Variants in NFIA observed in about 807,000 individuals in gnomAD.
NFIA encodes nuclear factor I A, also known as nuclear factor 1 A-type.
Under a neutral mutation model 62.8 loss-of-function variants are expected in NFIA, and 8 were observed. The observed-to-expected ratio is 0.13, with a 90% CI of 0.07 to 0.23. NFIA has a LOEUF of 0.23. NFIA is among the 10% of genes least tolerant of loss of function. NFIA has a pLI of 1.00. For synonymous variants in NFIA, 235 were observed against 238.1 expected (o/e 0.99, Z 0.12); for missense variants, 410 against 642.1 (o/e 0.64, Z 3.91).
intron 2 of NFIA, among the ~76,000 whole-genome samples, chr1:61,219,722 A>AAAG (rs1553162647): frequency 6.7e-6 from 1 of 148,886 alleles, no homozygotes; most frequent in African/African-American, 2.5e-5. Context: ...TCAAAAAAAA[A>AAAG]AAAAGAAAAA....
At chr1:61,270,136 C>T (rs12086067) in intron 2 of NFIA, among the ~76,000 whole-genome samples, 6,142 of 152,196 alleles carry the variant, frequency 0.04, 345 homozygotes, top group African/African-American at 0.13. Flanking sequence ...CACAAAGAAA[C>T]GAAAAACTTG....
chr1:61,420,024 A>G (rs910523056), intron 9 of NFIA, among the ~76,000 whole-genome samples: 1 of 152,226 alleles, frequency 6.6e-6, no homozygotes, highest in African/African-American at 2.4e-5. Context: ...TCTAGATGCT[A>G]AACATCTGGA....
At chr1:61,213,197 G>A (rs1018356562) in intron 2 of NFIA, among the ~76,000 whole-genome samples, 1 of 152,206 alleles carries the variant, frequency 6.6e-6, no homozygotes, top group Non-Finnish European at 1.5e-5. Context: ...AAAATGCTGT[G>A]GTTCCTCCAG....
intron 3 of NFIA, among the ~76,000 whole-genome samples, chr1:61,323,804 C>T (rs913706670): frequency 1.3e-5 from 2 of 152,154 alleles, no homozygotes; most frequent in African/African-American, 4.8e-5. Flanking sequence ...TCATAAGTCA[C>T]TCATCTGAAT....
At chr1:61,327,517 G>A (rs192202849) in intron 3 of NFIA, among the ~76,000 whole-genome samples, 349 of 152,198 alleles carry the variant, frequency 2.3e-3, no homozygotes, top group Non-Finnish European at 4.3e-3. Flanking sequence ...ACGGTATTTA[G>A]TTTTCCATTC....
chr1:61,394,888 C>T (rs1015596420), intron 7 of NFIA, among the ~76,000 whole-genome samples: 21 of 152,266 alleles, frequency 1.4e-4, no homozygotes, highest in African/African-American at 2.9e-4. Context: ...GCAGGCGGAT[C>T]ATTTGAGTTC....
chr1:61,132,190 C>T (rs1647093674), intron 2 of NFIA, among the ~76,000 whole-genome samples: 1 of 152,116 alleles, frequency 6.6e-6, no homozygotes, highest in Non-Finnish European at 1.5e-5. Context: ...AGGAAAATCC[C>T]TCAGAAAAGT....
intron 2 of NFIA, among the ~76,000 whole-genome samples, chr1:61,165,108 T>G (rs563589647): frequency 2.6e-4 from 39 of 152,332 alleles, no homozygotes; most frequent in Middle Eastern, 3.4e-3. Context: ...AAAAGTTTAT[T>G]TAGAGTTTTA....
chr1:61,097,964 A>G (rs1646444917), intron 2 of NFIA, among the ~76,000 whole-genome samples: 1 of 152,186 alleles, frequency 6.6e-6, no homozygotes, highest in African/African-American at 2.4e-5. Flanking sequence ...AGGGCCATAG[A>G]CAGATGGCTT....
intron 4 of NFIA, among the ~76,000 whole-genome samples, chr1:61,339,037 C>T (rs1432151904): frequency 2.0e-5 from 3 of 152,150 alleles, no homozygotes; most frequent in Non-Finnish European, 4.4e-5. Context: ...GAACAGTTGC[C>T]GTGACCTTGC....
intron 2 of NFIA, among the ~76,000 whole-genome samples, chr1:61,168,098 A>C (rs1649707307): frequency 6.6e-6 from 1 of 152,148 alleles, no homozygotes; most frequent in African/African-American, 2.4e-5. Context: ...GTGTTACTTT[A>C]GGTATACATT....
chr1:61,405,913 T>G (rs937090328), intron 8 of NFIA, among the ~76,000 whole-genome samples: 2 of 152,180 alleles, frequency 1.3e-5, no homozygotes, highest in African/African-American at 4.8e-5. Flanking sequence ...AAATTAGAAG[T>G]GATATTTTTC....
chr1:61,302,460 G>C (rs1659543137), intron 3 of NFIA, among the ~76,000 whole-genome samples: 1 of 152,150 alleles, frequency 6.6e-6, no homozygotes, highest in Admixed American at 6.5e-5. Flanking sequence ...ACGAGTAAAA[G>C]CTTAGTTTCT....
intron 2 of NFIA, among the ~76,000 whole-genome samples, chr1:61,101,109 C>T (rs1646500716): frequency 6.6e-6 from 1 of 151,960 alleles, no homozygotes. Context: ...TTTAATAGTT[C>T]ACCTGGCCAG....
chr1:61,145,551 A>T (rs1238029011), intron 2 of NFIA, among the ~76,000 whole-genome samples: 1 of 152,210 alleles, frequency 6.6e-6, no homozygotes, highest in African/African-American at 2.4e-5. Context: ...CAGTGAATGA[A>T]TGGGACAAAA....
intron 3 of NFIA, among the ~76,000 whole-genome samples, chr1:61,280,631 G>A (rs1658075425): frequency 6.6e-6 from 1 of 152,162 alleles, no homozygotes; most frequent in Admixed American, 6.5e-5. Context: ...TTTACATAAA[G>A]TGGATGCAGC....
At chr1:61,301,966 T>A (rs568214381) in intron 3 of NFIA, among the ~76,000 whole-genome samples, 1 of 152,238 alleles carries the variant, frequency 6.6e-6, no homozygotes. Flanking sequence ...TTGAGTCTCA[T>A]CCATAGCTCT....
chr1:61,091,848 TG>T (rs762641439), intron 2 of NFIA, among the ~76,000 whole-genome samples: 4 of 151,044 alleles, frequency 2.6e-5, no homozygotes, highest in Middle Eastern at 3.4e-3. Flanking sequence ...GGAGAGTTGT[TG>T]TTTTTTTTTT....
At chr1:61,299,208 C>T (rs1170309932) in intron 3 of NFIA, among the ~76,000 whole-genome samples, 1 of 152,126 alleles carries the variant, frequency 6.6e-6, no homozygotes, top group African/African-American at 2.4e-5. Flanking sequence ...CTCTAAAGAT[C>T]CCTCAAATCA....
Sources: allele counts gnomAD v4.1 joint callset (sites outside exome capture counted in the v4.1 genomes callset), GRCh38; gene constraint gnomAD v4.1.1; transcripts MANE v1.5; gene names NCBI Gene and HGNC (gene_info 2026-07-23, HGNC 2026-07-21).